PAQR5: variants seen among roughly 807,000 people sequenced by gnomAD.
The protein encoded by PAQR5 is membrane progestin receptor gamma.
In PAQR5, 20 loss-of-function variants were observed where a neutral mutation model predicts 34.5. The ratio of observed to expected loss-of-function variants is 0.58; its 90% CI spans 0.41 to 0.84. The LOEUF (loss-of-function observed/expected upper bound fraction) is 0.84, where lower values mean the gene tolerates loss of function less well. Among genes scored for constraint, PAQR5 ranks in the 40% least tolerant of loss-of-function variants. The pLI, the probability that PAQR5 is intolerant of heterozygous loss-of-function variation, is 0.00. For synonymous variants in PAQR5, 131 were observed against 155.6 expected (o/e 0.84, Z 1.18); for missense variants, 378 against 412.7 (o/e 0.92, Z 0.73).
At position 69,300,937 on chromosome 15, in the gene PAQR5, C is replaced by CTCTTTCCTTCTTTCTTTCTT. The variant is rs1160182676; in HGVS notation, c.-277+1887_-277+1888insCTTCTTTCTTTCTTTCTTTC. On this transcript the variant is annotated intron_variant, in intron 1 of 8. Coordinates refer to ENST00000395407, the MANE Select transcript of PAQR5 (RefSeq NM_017705.4). ...CCTTTCTCTCTCTCTCTCTCTCTCT[C>CTCTTTCCTTCTTTCTTTCTT]TCTTTCTTTCCTTCTTTCTTTCTTT... Among the ~76,000 whole-genome samples, 14 of 5,178 alleles carry CTCTTTCCTTCTTTCTTTCTT rather than the reference C, an allele frequency of 2.7e-3. 2 individuals carry two copies. Among genetic ancestry groups the CTCTTTCCTTCTTTCTTTCTT allele is most frequent in the East Asian group, 0.015 (2 of 136 alleles). The allele number at this position is 5,178 out of a possible 152,430, so 3.4% of individuals were successfully genotyped here.
At chr15:69,380,033 G>T (rs753114630) in intron 4 of PAQR5, 23 bp downstream of exon 4, 2 of 1,612,488 alleles carry the variant, frequency 1.2e-6, no homozygotes, top group Non-Finnish European at 1.7e-6. Context: ...CCCCTCGACC[G>T]GCCTGTCTCC....
At position 69,399,963 on chromosome 15, in the gene PAQR5, A is replaced by C. The variant is rs2056572388; in HGVS notation, c.610-11A>C. 6.2e-6 allele frequency: 10 copies of C among 1,611,492 alleles called. No individual in the cohort carries two copies. In the Admixed American group the frequency reaches 6.7e-5, roughly 11 times the overall value. ...CCTCTCAAGACCTGATGTTTCTTTA[A>C]ACACCTGCAGCTATTCCTGTTCCCA... On this transcript the variant is annotated splice_polypyrimidine_tract_variant and intron_variant, in intron 7 of 8. Transcript: ENST00000395407.
intron 3 of PAQR5, among the ~76,000 whole-genome samples, chr15:69,362,361 A>G (rs561244241): frequency 6.6e-6 from 1 of 152,362 alleles, no homozygotes; most frequent in South Asian, 2.1e-4. Flanking sequence ...CCCAGGGTTC[A>G]TGAAGCCATA....
At chr15:69,301,152 T>A (rs1376862829) in intron 1 of PAQR5, among the ~76,000 whole-genome samples, 1 of 151,416 alleles carries the variant, frequency 6.6e-6, no homozygotes, top group African/African-American at 2.4e-5. Context: ...TACAGGCGCC[T>A]GCCACCAAAC....
In PAQR5 at chr15:69,313,601, C is replaced by T. The variant is rs557145894; in HGVS notation, c.-277+14545C>T. Among the ~76,000 whole-genome samples, 3 of 152,106 alleles carry T rather than the reference C, an allele frequency of 2.0e-5. 1 individual carries two copies. The highest frequency in any genetic ancestry group is 7.2e-5 in the African/African-American group (3 of 41,496). ...AGATTTCTTGAAAAAAGGAAGAGCTCGAGCAGACAGTATGTCTAGAAAAGG... is the reference window on the plus strand; with the variant it reads ...AGATTTCTTGAAAAAAGGAAGAGCTTGAGCAGACAGTATGTCTAGAAAAGG... On this transcript the variant is annotated intron_variant, in intron 1 of 8. Coordinates refer to ENST00000395407, the MANE Select transcript of PAQR5 (RefSeq NM_017705.4).
intron 1 of PAQR5, among the ~76,000 whole-genome samples, chr15:69,318,611 G>T (rs900838408): frequency 4.6e-5 from 7 of 151,710 alleles, no homozygotes; most frequent in Non-Finnish European, 1.0e-4. Flanking sequence ...TTCTTCTTGG[G>T]GCACCTGCTT....
chr15:69,386,856 CT>C (rs2056125615), intron 5 of PAQR5, among the ~76,000 whole-genome samples: 1 of 152,176 alleles, frequency 6.6e-6, no homozygotes, highest in Non-Finnish European at 1.5e-5. Context: ...GCTCCCGCCC[CT>C]GCCCCTACAC....
chr15:69,325,444 A>G (rs2054227642), intron 1 of PAQR5, among the ~76,000 whole-genome samples: 1 of 151,002 alleles, frequency 6.6e-6, no homozygotes, highest in Admixed American at 6.6e-5. Context: ...TTACTATTAG[A>G]TGTGCCGCGT....
chr15:69,397,371 G>C, intron 6 of PAQR5, 97 bp from the exon 7 acceptor site: 1 of 832,324 alleles, frequency 1.2e-6, no homozygotes, highest in Non-Finnish European at 2.1e-6. Context: ...CTTGTCCTCT[G>C]TTGATGACCA....
In PAQR5 at chr15:69,403,982, A is replaced by G; in HGVS notation, c.*160A>G. ...TCAAAAATGTTATTCAGCTGGGGAA[A>G]TTTCTCTAAATGTACACTGATTCTG... On this transcript the variant is annotated 3_prime_UTR_variant, in exon 9 of 9. Transcript: ENST00000395407. 1.4e-6 allele frequency: 1 copy of G among 732,232 alleles called. No homozygotes were observed. 45.4% of individuals were successfully genotyped at this position (732,232 alleles called of 1,614,324 possible).
At chr15:69,331,895 A>T (rs920146548) in intron 1 of PAQR5, among the ~76,000 whole-genome samples, 7 of 152,260 alleles carry the variant, frequency 4.6e-5, no homozygotes, top group Admixed American at 3.9e-4. Context: ...CTATGGTTCC[A>T]TAAAACAGTA....
chr15:69,304,998 CTT>C (rs2053682593), intron 1 of PAQR5, among the ~76,000 whole-genome samples: 1 of 152,224 alleles, frequency 6.6e-6, no homozygotes, highest in African/African-American at 2.4e-5. Context: ...CATAGTGTGA[CTT>C]TGATCCTGTC....
In PAQR5 at chr15:69,403,998, A is replaced by G. The variant is rs546175351; in HGVS notation, c.*176A>G. On this transcript the variant is annotated 3_prime_UTR_variant, in exon 9 of 9. Transcript: ENST00000395407. ...GCTGGGGAAATTTCTCTAAATGTAC[A>G]CTGATTCTGTGTGTGTGATTTTAAA... The G allele has an allele frequency of 4.6e-6, 3 of 652,372 alleles. No individual in the cohort carries two copies. Among genetic ancestry groups the G allele is most frequent in the Non-Finnish European group, 7.7e-6 (3 of 389,772 alleles). The allele number at this position is 652,372 out of a possible 1,614,324, so 40.4% of individuals were successfully genotyped here.
In PAQR5 at chr15:69,393,945, G is replaced by A. The variant is rs147825715; in HGVS notation, c.513-3523G>A. Among the ~76,000 whole-genome samples, 583 of 152,230 alleles carry A rather than the reference G, an allele frequency of 3.8e-3. 12 individuals carry two copies. Among genetic ancestry groups the A allele is most frequent in the East Asian group, 0.035 (183 of 5,172 alleles). ...AAATGAGAGAATGCGTGCCCTCTTC[G>A]TGGTTCTTGGAGCAAGGTGGGGGTG... On this transcript the variant is annotated intron_variant, in intron 6 of 8. Transcript: ENST00000395407.
intron 2 of PAQR5, among the ~76,000 whole-genome samples, chr15:69,356,304 G>A (rs966616464): frequency 2.0e-5 from 3 of 152,150 alleles, no homozygotes; most frequent in Non-Finnish European, 4.4e-5. Context: ...AGTGTGCACG[G>A]CTTGGTGATT....
At chr15:69,359,918 G>A (rs2055188421) in intron 2 of PAQR5, 48 bp from the exon 3 acceptor site, 1 of 616,352 alleles carries the variant, frequency 1.6e-6, no homozygotes, top group Non-Finnish European at 2.9e-6. Context: ...TGACCCAGCT[G>A]GAGTTAGGCT....
At chr15:69,338,258 A>G (rs886220300) in intron 2 of PAQR5, among the ~76,000 whole-genome samples, 1 of 152,160 alleles carries the variant, frequency 6.6e-6, no homozygotes, top group Non-Finnish European at 1.5e-5. Context: ...CTCCAAAAGA[A>G]AACTATAGTA....
intron 4 of PAQR5, among the ~76,000 whole-genome samples, chr15:69,383,704 C>T (rs1277337032): frequency 4.5e-5 from 3 of 66,254 alleles, no homozygotes; most frequent in South Asian, 7.2e-4. Context: ...GGCCTCTGTG[C>T]TCATGGTGGA....
intron 1 of PAQR5, among the ~76,000 whole-genome samples, chr15:69,326,407 G>T (rs967796667): frequency 6.6e-6 from 1 of 151,354 alleles, no homozygotes; most frequent in Non-Finnish European, 1.5e-5. Flanking sequence ...GAAACTGGGA[G>T]CGGGGTTTTT....
Sources: allele counts gnomAD v4.1 joint callset (sites outside exome capture counted in the v4.1 genomes callset), GRCh38; gene constraint gnomAD v4.1.1; transcripts MANE v1.5; gene names NCBI Gene and HGNC (gene_info 2026-07-23, HGNC 2026-07-21).